The following PARD3 variants were observed in gnomAD, a reference collection of about 807,000 sequenced individuals.
PARD3 encodes the protein par-3 family cell polarity regulator.
PARD3 carries 75 observed loss-of-function variants against 155.4 expected under a neutral mutation model. The observed-to-expected ratio is 0.48, with a 90% confidence interval of 0.40 to 0.58. PARD3 has a LOEUF of 0.58. PARD3 is among the 20% of genes least tolerant of loss of function. The pLI is 0.00. For missense variants in PARD3, 1,642 were observed against 1,721.7 expected, an observed-to-expected ratio of 0.95 and a Z score of 0.82; for synonymous variants, 576 against 610.5, an observed-to-expected ratio of 0.94 and a Z score of 0.83.
chr10:34,375,004 TAAAAC>T lies in PARD3; in HGVS notation c.1540-7_1540-3del, dbSNP rs760111263. ...GCCCACTAAATCTACTCCATTTACC[TAAAAC>T]AAAACAAAAGTTTTCAGCTGTAATC... On this transcript the variant is annotated splice_polypyrimidine_tract_variant and splice_region_variant and intron_variant, in intron 10 of 24. Transcript: ENST00000374788. The T allele has an allele frequency of 6.8e-6, 11 of 1,610,190 alleles. No homozygotes were observed. Among genetic ancestry groups the T allele is most frequent in the African/African-American group, 1.4e-5 (1 of 73,752 alleles).
intron 23 of PARD3, among the ~76,000 whole-genome samples, chr10:34,130,323 C>T (rs1947539873): frequency 6.6e-6 from 1 of 152,132 alleles, no homozygotes; most frequent in Non-Finnish European, 1.5e-5. Context: ...TCCCCAGTAT[C>T]CTTGGTAGGA....
chr10:34,657,880 C>G (rs1052355322), intron 2 of PARD3, among the ~76,000 whole-genome samples: 1 of 151,750 alleles, frequency 6.6e-6, no homozygotes, highest in Non-Finnish European at 1.5e-5. Context: ...GGCGCGGTGG[C>G]TCACGCCTAT....
chr10:34,469,098 G>A (rs11009796), intron 4 of PARD3, among the ~76,000 whole-genome samples: 8,447 of 152,212 alleles, frequency 0.055, 796 homozygotes, highest in African/African-American at 0.19. Flanking sequence ...TAAGGGTTCT[G>A]ACAAAGAGCA....
At chr10:34,239,469 C>T (rs1351291293) in intron 22 of PARD3, among the ~76,000 whole-genome samples, 2 of 152,122 alleles carry the variant, frequency 1.3e-5, no homozygotes, top group African/African-American at 2.4e-5. Flanking sequence ...AATCCTGGTT[C>T]CCCTAAGATC....
At chr10:34,763,536 A>G (rs1170214179) in intron 1 of PARD3, among the ~76,000 whole-genome samples, 1 of 152,216 alleles carries the variant, frequency 6.6e-6, no homozygotes, top group Non-Finnish European at 1.5e-5. Flanking sequence ...AAGAAAAAAT[A>G]GAGATGTTGA....
At chr10:34,330,031 T>A (rs927904636) in intron 19 of PARD3, among the ~76,000 whole-genome samples, 1 of 151,700 alleles carries the variant, frequency 6.6e-6, no homozygotes, top group Non-Finnish European at 1.5e-5. Flanking sequence ...CACTCAAATG[T>A]TGAATTGCAA....
rs1554810170 is a variant in PARD3 at position 34,684,820 on chromosome 10, C to CACACAT, written c.222+11497_222+11498insATGTGT. Reference sequence around the variant, plus strand: ...ACACACACACACACACACACACACACACACACACACATATATACACACACA... The same window carrying CACACAT: ...ACACACACACACACACACACACACACACACATACACACACACATATATACACACACA... On this transcript the variant is annotated intron_variant, in intron 2 of 24. Coordinates refer to ENST00000374788, the MANE Select transcript of PARD3 (RefSeq NM_001184785.2). Among the ~76,000 whole-genome samples, 334 of 125,628 alleles carry CACACAT rather than the reference C, an allele frequency of 2.7e-3. 4 individuals carry two copies. The highest frequency in any genetic ancestry group is 0.021 in the East Asian group (96 of 4,584). The allele number at this position is 125,628 out of a possible 152,430, so 82.4% of individuals were successfully genotyped here. A position where few individuals can be genotyped will look rare whatever the true frequency, so the allele number is the denominator to read the frequency against.
chr10:34,757,721 A>G (rs2133993635), intron 1 of PARD3, among the ~76,000 whole-genome samples: 1 of 152,206 alleles, frequency 6.6e-6, no homozygotes, highest in East Asian at 1.9e-4. Context: ...AAAAGAAAAA[A>G]GAAGAAAATA....
At chr10:34,519,820 AATAAC>A (rs59584708) in intron 2 of PARD3, among the ~76,000 whole-genome samples, 26,588 of 133,780 alleles carry the variant, frequency 0.2, 2,602 homozygotes, top group Middle Eastern at 0.21. Context: ...TCTCAAAATA[AATAAC>A]ATAACATAAC....
chr10:34,417,767 T>C (rs1468787225), intron 5 of PARD3, among the ~76,000 whole-genome samples: 1 of 152,230 alleles, frequency 6.6e-6, no homozygotes, highest in Non-Finnish European at 1.5e-5. Context: ...TACTTTTCAA[T>C]GTGGTACAAA....
chr10:34,314,971 A>G (rs36063464), intron 20 of PARD3, among the ~76,000 whole-genome samples: 6 of 152,218 alleles, frequency 3.9e-5, no homozygotes, highest in Non-Finnish European at 7.3e-5. Context: ...ACATACCTAA[A>G]AAAGTATGAA....
Position 34,649,304 on chromosome 10 carries a change from T to C in PARD3, c.222+47014A>G, listed in dbSNP as rs74132084. ...ATAATTAATTAAGGTAAAACAGAAA[T>C]GTGTGATTCAGGGATTTCATAGTTG... On this transcript the variant is annotated intron_variant, in intron 2 of 24. Transcript: ENST00000374788. Among the ~76,000 whole-genome samples, 1,508 of 152,226 alleles carry C rather than the reference T, an allele frequency of 9.9e-3. 26 individuals are homozygous for C. The highest frequency in any genetic ancestry group is 0.035 in the African/African-American group (1,448 of 41,524).
intron 22 of PARD3, among the ~76,000 whole-genome samples, chr10:34,189,360 G>A (rs548175556): frequency 2.0e-5 from 3 of 152,098 alleles, no homozygotes; most frequent in Admixed American, 6.6e-5. Context: ...TAAAAATGCT[G>A]CTAAGACATT....
At position 34,359,288 on chromosome 10, in the gene PARD3, C is replaced by G; in HGVS notation, c.1926G>C (p.Leu642=). ...ACAGGGATTCTCCATTTACTGCTAT[C>G]AGTTGATCATTCACCCGAAGCCTTC... ...KDGRLRVNDQ[L]IAVNGESLLG... Residue 642 remains leucine (L), a synonymous_variant, in exon 14 of 25, where the codon CTG becomes CTC. Transcript: ENST00000374788. 1 of 1,613,760 alleles carries G rather than the reference C, an allele frequency of 6.2e-7. No individual in the cohort carries two copies. The highest frequency in any genetic ancestry group is 8.5e-7 in the Non-Finnish European group (1 of 1,179,864).
intron 22 of PARD3, among the ~76,000 whole-genome samples, chr10:34,207,415 A>G (rs993252813): frequency 6.6e-6 from 1 of 152,200 alleles, no homozygotes; most frequent in Non-Finnish European, 1.5e-5. Context: ...AATGCAAACG[A>G]GTCAGGACAC....
chr10:34,129,698 C>CTA (rs1346445542), intron 23 of PARD3, among the ~76,000 whole-genome samples: 11 of 59,750 alleles, frequency 1.8e-4, no homozygotes, highest in African/African-American at 6.1e-4. Context: ...AATGTCAAGC[C>CTA]TCTTTTTTTT....
chr10:34,301,605 C>CT (rs1488784613), intron 20 of PARD3, among the ~76,000 whole-genome samples: 2 of 152,092 alleles, frequency 1.3e-5, no homozygotes, highest in African/African-American at 4.8e-5. Flanking sequence ...CCTGACATGT[C>CT]TTTGATTTCC....
intron 2 of PARD3, among the ~76,000 whole-genome samples, chr10:34,580,379 AC>A (rs1164803646): frequency 6.6e-6 from 1 of 152,056 alleles, no homozygotes; most frequent in Non-Finnish European, 1.5e-5. Flanking sequence ...AAAAGTAAAT[AC>A]AAAAATTAGC....
At chr10:34,624,989 G>C (rs2091908390) in intron 2 of PARD3, among the ~76,000 whole-genome samples, 1 of 152,178 alleles carries the variant, frequency 6.6e-6, no homozygotes, top group African/African-American at 2.4e-5. Context: ...ACATACAAGA[G>C]CTAAGAAAGG....
Sources: allele counts gnomAD v4.1 joint callset (sites outside exome capture counted in the v4.1 genomes callset), GRCh38; gene constraint gnomAD v4.1.1; transcripts MANE v1.5; gene names NCBI Gene and HGNC (gene_info 2026-07-23, HGNC 2026-07-21).